Variants in CREBBP observed in about 807,000 individuals in gnomAD.
The protein encoded by CREBBP is CREB binding lysine acetyltransferase.
A neutral mutation model predicts 265.0 loss-of-function variants in CREBBP; 19 were observed. The ratio of observed to expected loss-of-function variants is 0.07; its 90% CI spans 0.05 to 0.11. The LOEUF (loss-of-function observed/expected upper bound fraction) is 0.11. Ranked by LOEUF, CREBBP falls within the 10% of genes least tolerant of loss-of-function variation. CREBBP has a pLI of 1.00. For missense variants in CREBBP, 2,525 were observed against 3,219.0 expected, an observed-to-expected ratio of 0.78 and a Z score of 5.22; for synonymous variants, 1,457 against 1,223.7, an observed-to-expected ratio of 1.19 and a Z score of -3.98.
intron 2 of CREBBP, among the ~76,000 whole-genome samples, chr16:3,830,899 A>G (rs567791751): frequency 2.6e-4 from 39 of 152,200 alleles, no homozygotes; most frequent in Admixed American, 8.5e-4. Context: ...TTTGTATCTC[A>G]GCCCCCTCAA....
At chr16:3,878,780 G>A (rs541820746) in intron 1 of CREBBP, among the ~76,000 whole-genome samples, 19 of 152,318 alleles carry the variant, frequency 1.2e-4, no homozygotes, top group Non-Finnish European at 2.2e-4. Flanking sequence ...ATTGTTCGCA[G>A]CGGCACACAA....
chr16:3,752,923 A>G (rs571674399), intron 19 of CREBBP, among the ~76,000 whole-genome samples: 1 of 152,382 alleles, frequency 6.6e-6, no homozygotes, highest in East Asian at 1.9e-4. Context: ...CATAAATGAG[A>G]AATCAACAGA....
Position 3,731,687 on chromosome 16 carries a change from G to C in CREBBP, c.4890+89C>G, listed in dbSNP as rs993018807. On this transcript the variant is annotated intron_variant, in intron 29 of 30. Coordinates refer to ENST00000262367, the MANE Select transcript of CREBBP (RefSeq NM_004380.3). This position sits in a 1 kb window ranked among gnomAD's most constrained non-coding sequence, Gnocchi z 7.7. ...TGGGGGCCACTTCCCTCCCACCACA[G>C]ACCTGCACACGGGCCCACGCCCGCC... The C allele has an allele frequency of 1.3e-6, 2 of 1,573,984 alleles. No homozygotes were observed. Among genetic ancestry groups the C allele is most frequent in the Non-Finnish European group, 1.7e-6 (2 of 1,146,042 alleles).
chr16:3,800,100 G>A (rs925278462), intron 3 of CREBBP, among the ~76,000 whole-genome samples: 5 of 152,198 alleles, frequency 3.3e-5, no homozygotes, highest in African/African-American at 1.2e-4. Context: ...ATAAAGCAGT[G>A]TTCCTCACTA....
rs765821935 is a variant in CREBBP at position 3,728,451 on chromosome 16, T to A, written c.6596A>T (p.Gln2199Leu). The A allele has an allele frequency of 5.1e-5, 83 of 1,613,230 alleles. No homozygotes were observed. The highest frequency in any genetic ancestry group is 6.9e-5 in the Non-Finnish European group (81 of 1,179,734). Residue 2199 changes from glutamine to leucine, a missense_variant, in exon 31 of 31, where the codon CAG (glutamine) becomes CTG (leucine). This residue lies in a region of CREBBP where 473 missense variants were observed against 459.3 expected (regional missense o/e 1.03). Transcript: ENST00000262367. The surrounding 1 kb of genome is among the most constrained non-coding windows in gnomAD (Gnocchi z 8.7). Reference protein sequence around the residue: ...YREMLRRQLLQQQQQQQQQQQ... With the variant: ...YREMLRRQLLLQQQQQQQQQQ... ...TTGCTGCTGCTGTTGCTGCTGCTGC[T>A]GCAGCAGCTGCCTCCGTAACATTTC...
intron 3 of CREBBP, among the ~76,000 whole-genome samples, chr16:3,807,754 A>G (rs2053858177): frequency 6.6e-6 from 1 of 152,226 alleles, no homozygotes; most frequent in South Asian, 2.1e-4. Context: ...TATTGCAGGA[A>G]TATGTTAAAA....
chr16:3,777,239 G>A (rs1341197259), intron 11 of CREBBP, among the ~76,000 whole-genome samples: 2 of 151,710 alleles, frequency 1.3e-5, no homozygotes, highest in East Asian at 3.9e-4. Context: ...GGAGGCTGAG[G>A]CAGGAGAATG....
At chr16:3,759,363 C>T (rs917688848) in intron 16 of CREBBP, among the ~76,000 whole-genome samples, 2 of 152,002 alleles carry the variant, frequency 1.3e-5, no homozygotes, top group African/African-American at 4.8e-5. Context: ...CTGAGGAGGG[C>T]GGATCACCTG....
chr16:3,846,999 CT>C (rs2054681717), intron 2 of CREBBP, among the ~76,000 whole-genome samples: 3 of 152,170 alleles, frequency 2.0e-5, no homozygotes. Context: ...ATTAATTCTC[CT>C]TTTCAGAATC....
intron 21 of CREBBP, chr16:3,745,570 T>G (rs950310186): frequency 1.7e-6 from 1 of 573,646 alleles, no homozygotes; most frequent in Non-Finnish European, 3.1e-6. Flanking sequence ...GTACAAGCGC[T>G]TCATTCCTCT....
At chr16:3,796,985 CA>C (rs1187000321) in intron 3 of CREBBP, among the ~76,000 whole-genome samples, 19 of 152,160 alleles carry the variant, frequency 1.2e-4, no homozygotes, top group African/African-American at 4.3e-4. Flanking sequence ...CTTACAAATA[CA>C]GGGGCACACT....
Position 3,727,623 on chromosome 16 carries a change from C to T in CREBBP, c.*95G>A. 6.2e-7 allele frequency: 1 copy of T among 1,607,068 alleles called. No individual in the cohort carries two copies. The highest frequency in any genetic ancestry group is 8.5e-7 in the Non-Finnish European group (1 of 1,176,750). On this transcript the variant is annotated 3_prime_UTR_variant, in exon 31 of 31. Transcript: ENST00000262367. ...CCACCCTTCCATGGCTCGGAAGTCG[C>T]AGTTCCATCTAGGAATAAAAAGAAC... is the stretch of plus-strand genomic sequence containing the variant.
intron 2 of CREBBP, among the ~76,000 whole-genome samples, chr16:3,839,855 G>T (rs1167696274): frequency 6.6e-6 from 1 of 151,404 alleles, no homozygotes; most frequent in East Asian, 1.9e-4. Context: ...GAGAGGAAGA[G>T]TGAGAGAAAG....
At chr16:3,803,326 G>A (rs1241514748) in intron 3 of CREBBP, among the ~76,000 whole-genome samples, 2 of 111,490 alleles carry the variant, frequency 1.8e-5, no homozygotes, top group Non-Finnish European at 3.3e-5. Flanking sequence ...CCAACATGCC[G>A]AAACCCTGTC....
chr16:3,838,551 C>T (rs1342867041), intron 2 of CREBBP, among the ~76,000 whole-genome samples: 1 of 152,120 alleles, frequency 6.6e-6, no homozygotes, highest in South Asian at 2.1e-4. Flanking sequence ...ACTGGAAATA[C>T]TACTCCAACT....
chr16:3,768,289 G>A (rs370841312), intron 15 of CREBBP, among the ~76,000 whole-genome samples: 10 of 151,428 alleles, frequency 6.6e-5, no homozygotes, highest in East Asian at 3.9e-4. Context: ...GGGATTACAC[G>A]TGTGTGCCAC....
At chr16:3,769,379 T>C (rs370496277) in intron 14 of CREBBP, 26 bp from the exon 15 acceptor site, 1 of 1,613,868 alleles carries the variant, frequency 6.2e-7, no homozygotes, top group African/African-American at 1.3e-5. Flanking sequence ...AAGCACTGAC[T>C]TCAGTAAGCA....
At chr16:3,860,873 A>G (rs2141543105) in intron 1 of CREBBP, among the ~76,000 whole-genome samples, 1 of 152,174 alleles carries the variant, frequency 6.6e-6, no homozygotes, top group South Asian at 2.1e-4. Flanking sequence ...CTACGGACAC[A>G]GGAAGTGCAG....
At chr16:3,777,905 G>T in intron 10 of CREBBP, 106 bp downstream of exon 10, 1 of 1,342,572 alleles carries the variant, frequency 7.4e-7, no homozygotes, top group South Asian at 1.2e-5. Flanking sequence ...CTTCTGCAGG[G>T]CATGCATCAG....
Sources: gnomAD v4.1 joint callset for allele counts (sites outside exome capture counted in the v4.1 genomes callset) on GRCh38, gnomAD v4.1.1 for gene constraint, gnomAD v4.1.1 regional missense constraint, Gnocchi (gnomAD v3.1) non-coding constraint, MANE v1.5 for transcripts, NCBI Gene and HGNC (gene_info 2026-07-23, HGNC 2026-07-21) for gene names.